The following ABR variants were observed in gnomAD, a reference collection of about 807,000 sequenced individuals.
The protein encoded by ABR is ABR activator of RhoGEF and GTPase.
ABR carries 35 observed loss-of-function variants against 107.2 expected under a neutral mutation model. That is an observed-to-expected ratio of 0.33 (90% confidence interval 0.25 to 0.43). The LOEUF (loss-of-function observed/expected upper bound fraction) is 0.43, where lower values mean the gene tolerates loss of function less well. Ranked by LOEUF, ABR falls within the 20% of genes least tolerant of loss-of-function variation. The pLI is 1.00. For missense variants in ABR, 815 were observed against 1,115.2 expected, an observed-to-expected ratio of 0.73 and a Z score of 3.83; for synonymous variants, 498 against 462.0, an observed-to-expected ratio of 1.08 and a Z score of -1.00.
intron 2 of ABR, chr17:1,108,819 G>T: frequency 1.3e-6 from 1 of 781,310 alleles, no homozygotes; most frequent in Non-Finnish European, 1.8e-6. Context: ...GGGACCCTCC[G>T]CCGAGGGCTT....
intron 5 of ABR, among the ~76,000 whole-genome samples, chr17:1,081,923 T>G (rs952143029): frequency 1.3e-5 from 2 of 152,144 alleles, no homozygotes; most frequent in Non-Finnish European, 2.9e-5. Flanking sequence ...GCAAGCCCAC[T>G]GTGGCTACAG....
intron 10 of ABR, among the ~76,000 whole-genome samples, chr17:1,060,970 C>T (rs577043567): frequency 1.2e-4 from 18 of 152,032 alleles, no homozygotes; most frequent in African/African-American, 4.1e-4. Context: ...CCAGCCTGGG[C>T]GACAGTGACA....
At chr17:1,087,558 T>G (rs1210840523) in intron 4 of ABR, among the ~76,000 whole-genome samples, 1 of 149,946 alleles carries the variant, frequency 6.7e-6, no homozygotes. Flanking sequence ...GGGGCCTGAG[T>G]TTTAAAGGGG....
intron 1 of ABR, chr17:1,126,541 G>C (rs1449813062): frequency 6.6e-6 from 1 of 152,350 alleles, no homozygotes; most frequent in Non-Finnish European, 1.5e-5. Flanking sequence ...CGGCAGCCTT[G>C]GGGCCAGCAG....
intron 16 of ABR, among the ~76,000 whole-genome samples, chr17:1,043,205 T>C (rs952644881): frequency 5.9e-5 from 9 of 152,204 alleles, no homozygotes; most frequent in Middle Eastern, 3.2e-3. Flanking sequence ...TCTCACTCTA[T>C]TGCCCAGGCT....
chr17:1,012,646 GGGCACCGACGCCAGGACTGGGAGACCCGA>G lies in ABR; in HGVS notation c.1961+13_1961+41del, dbSNP rs2070720361. ...GGGGGCCCGGGCTGGGGGGGACCCG[GGGCACCGACGCCAGGACTGGGAGACCCGA>G]GGCAGCACCTACTTCGTCACCACGC... On this transcript the variant is annotated intron_variant, in intron 18 of 22. Transcript: ENST00000302538. 6.8e-7 allele frequency: 1 copy of G among 1,480,806 alleles called. No individual in the cohort carries two copies. The highest frequency in any genetic ancestry group is 1.2e-5 in the South Asian group (1 of 82,736). 91.7% of individuals were successfully genotyped at this position (1,480,806 alleles called of 1,614,324 possible). A position where few individuals can be genotyped will look rare whatever the true frequency, so the allele number is the denominator to read the frequency against.
chr17:1,034,628 C>T (rs1003007375), intron 16 of ABR, among the ~76,000 whole-genome samples: 3 of 152,052 alleles, frequency 2.0e-5, no homozygotes, highest in African/African-American at 7.2e-5. Context: ...GCCATCCACC[C>T]TCACTGGGTC....
chr17:1,021,392 G>T (rs1489551096), intron 16 of ABR, among the ~76,000 whole-genome samples: 1 of 152,198 alleles, frequency 6.6e-6, no homozygotes, highest in Non-Finnish European at 1.5e-5. Flanking sequence ...CCCTGCCCTC[G>T]GGGGCCGCCC....
At chr17:1,176,862 CAAAAAACA>C (rs935881215) in intron 1 of ABR, among the ~76,000 whole-genome samples, 1 of 131,326 alleles carries the variant, frequency 7.6e-6, no homozygotes, top group Non-Finnish European at 1.6e-5. Flanking sequence ...AAACAAAAAA[CAAAAAACA>C]AAAAAAAAAA....
intron 22 of ABR, 21 bp downstream of exon 22, chr17:1,007,144 G>A (rs2070101971): frequency 6.3e-7 from 1 of 1,586,538 alleles, no homozygotes; most frequent in Non-Finnish European, 8.6e-7. Context: ...CCAGCCACGG[G>A]CCCGGGCGGT....
intron 16 of ABR, 126 bp downstream of exon 16, chr17:1,049,924 G>A (rs980302232): frequency 8.1e-5 from 109 of 1,350,878 alleles, no homozygotes; most frequent in Non-Finnish European, 1.1e-4. Context: ...CCACCTCCTG[G>A]GAACTTTCCT....
intron 12 of ABR, chr17:1,057,702 TGAGAGAGAGAGAGAGGTAGA>T: frequency 1.6e-5 from 6 of 370,258 alleles, no homozygotes; most frequent in South Asian, 1.6e-4. Flanking sequence ...TGTGTGTGTG[TGAGAGAGAGAGAGAGGTAGA>T]GAGAGAGAGA....
At chr17:1,114,301 C>T (rs949789205) in intron 2 of ABR, among the ~76,000 whole-genome samples, 3 of 151,336 alleles carry the variant, frequency 2.0e-5, no homozygotes, top group African/African-American at 7.3e-5. Context: ...AAAACCCTGT[C>T]TCTACTAAAA....
chr17:1,066,283 TATTATAGGATA>T (rs2034731730), intron 10 of ABR, among the ~76,000 whole-genome samples: 2 of 152,214 alleles, frequency 1.3e-5, no homozygotes, highest in Admixed American at 1.3e-4. Flanking sequence ...CTTAGTGGCC[TATTATAGGATA>T]AATGTGAAGG....
chr17:1,091,340 G>C (rs1429231351), intron 4 of ABR, among the ~76,000 whole-genome samples: 1 of 114,768 alleles, frequency 8.7e-6, no homozygotes, highest in Non-Finnish European at 1.9e-5. Flanking sequence ...GGAGGGAGAA[G>C]GAGCACCCTC....
At chr17:1,054,497 A>T (rs1383358150) in intron 14 of ABR, among the ~76,000 whole-genome samples, 3 of 129,618 alleles carry the variant, frequency 2.3e-5, no homozygotes, top group Non-Finnish European at 3.2e-5. Flanking sequence ...GGAACCTCAA[A>T]GGGATGGGGA....
At chr17:1,043,513 C>T (rs900476524) in intron 16 of ABR, among the ~76,000 whole-genome samples, 1 of 151,854 alleles carries the variant, frequency 6.6e-6, no homozygotes, top group Non-Finnish European at 1.5e-5. Context: ...GTATATTTCA[C>T]TACAATCTTT....
At chr17:1,083,472 C>T (rs755277802) in intron 5 of ABR, 48 bp downstream of exon 5, 30 of 1,430,180 alleles carry the variant, frequency 2.1e-5, no homozygotes, top group Non-Finnish European at 2.9e-5. Context: ...TCTGAGCAGC[C>T]CCCAAAGCTC....
chr17:1,054,372 G>A (rs986678163), intron 14 of ABR, among the ~76,000 whole-genome samples: 1 of 152,196 alleles, frequency 6.6e-6, no homozygotes, highest in Non-Finnish European at 1.5e-5. Flanking sequence ...CGCCCTCAGA[G>A]AACTCACAGT....
Sources: allele counts gnomAD v4.1 joint callset (sites outside exome capture counted in the v4.1 genomes callset), GRCh38; gene constraint gnomAD v4.1.1; transcripts MANE v1.5; gene names NCBI Gene and HGNC (gene_info 2026-07-23, HGNC 2026-07-21).